Variants in MS4A1 observed in about 807,000 individuals in gnomAD.
MS4A1 encodes the protein B-lymphocyte antigen CD20.
MS4A1 carries 16 observed loss-of-function variants against 26.5 expected under a neutral mutation model. The observed-to-expected ratio is 0.60, with a 90% CI of 0.41 to 0.92. The LOEUF is 0.92. Ranked by LOEUF, MS4A1 falls within the 40% of genes least tolerant of loss-of-function variation. MS4A1 has a pLI of 0.00. For missense variants in MS4A1, 350 were observed against 353.0 expected (o/e 0.99, Z 0.07); for synonymous variants, 128 against 117.6 (o/e 1.09, Z -0.57).
chr11:60,456,137 C>T (rs544809459), intron 1 of MS4A1, among the ~76,000 whole-genome samples, 192 bp downstream of exon 1: 1 of 152,204 alleles, frequency 6.6e-6, no homozygotes, highest in East Asian at 1.9e-4. Flanking sequence ...AATCAGTCTC[C>T]CTCTCAACAA....
At chr11:60,459,608 C>G (rs1036213386) in intron 1 of MS4A1, among the ~76,000 whole-genome samples, 1 of 152,200 alleles carries the variant, frequency 6.6e-6, no homozygotes, top group Non-Finnish European at 1.5e-5. Context: ...TGACCAGAAT[C>G]AGTCCGCAAA....
chr11:60,457,159 C>T (rs2135190848), intron 1 of MS4A1, among the ~76,000 whole-genome samples: 1 of 152,222 alleles, frequency 6.6e-6, no homozygotes, highest in Admixed American at 6.5e-5. Flanking sequence ...AGGTGATGTG[C>T]ATATCTAATG....
At chr11:60,457,433 C>A (rs2086213480) in intron 1 of MS4A1, among the ~76,000 whole-genome samples, 1 of 152,086 alleles carries the variant, frequency 6.6e-6, no homozygotes, top group African/African-American at 2.4e-5. Context: ...CTTGATGTAG[C>A]AGCCTTGTGG....
Position 60,469,938 on chromosome 11 carries a change from G to A in MS4A1, c.*1470G>A, listed in dbSNP as rs1039081906. 4 of 151,926 alleles carry A rather than the reference G, an allele frequency of 2.6e-5. No individual in the cohort carries two copies. The highest frequency in any genetic ancestry group is 6.6e-5 in the Admixed American group (1 of 15,238). The allele number at this position is 151,926 out of a possible 1,614,324, so 9.4% of individuals were successfully genotyped here. A position where few individuals can be genotyped will look rare whatever the true frequency, so the allele number is the denominator to read the frequency against. On this transcript the variant is annotated 3_prime_UTR_variant, in exon 8 of 8. Coordinates refer to ENST00000345732, the MANE Select transcript of MS4A1 (RefSeq NM_152866.3). The stretch of plus-strand genomic sequence containing the variant: ...CCTATGATATTTCTACATTTTTAGC[G>A]ACCACTAGTGGAAGACATTCCCCAA...
At chr11:60,456,620 C>T (rs1430130238) in intron 1 of MS4A1, among the ~76,000 whole-genome samples, 7 of 152,074 alleles carry the variant, frequency 4.6e-5, no homozygotes, top group African/African-American at 1.7e-4. Context: ...TGTGGGGGAG[C>T]TCTAATGAAG....
At chr11:60,462,756 G>T (rs1226274384) in intron 3 of MS4A1, among the ~76,000 whole-genome samples, 1 of 152,144 alleles carries the variant, frequency 6.6e-6, no homozygotes, top group East Asian at 1.9e-4. Context: ...TTTGGGGCTT[G>T]TATATGCAGG....
chr11:60,470,692 G>T lies in MS4A1; in HGVS notation c.*2224G>T, dbSNP rs201024406. 2.0e-5 allele frequency: 3 copies of T among 151,900 alleles called. No individual in the cohort carries two copies. Among genetic ancestry groups the T allele is most frequent in the Admixed American group, 6.6e-5 (1 of 15,244 alleles). 9.4% of individuals were successfully genotyped at this position (151,900 alleles called of 1,614,324 possible). On this transcript the variant is annotated 3_prime_UTR_variant, in exon 8 of 8. Coordinates refer to ENST00000345732, the MANE Select transcript of MS4A1 (RefSeq NM_152866.3). ...TAGCCTTAGTTTTTCCTCCCAATTT[G>T]CATTTTTGTAAAAATAATGTTGTAT...
intron 6 of MS4A1, 135 bp from the exon 7 acceptor site, chr11:60,466,824 C>T (rs2086295420): frequency 1.2e-6 from 1 of 858,894 alleles, no homozygotes; most frequent in East Asian, 2.6e-5. Flanking sequence ...TAGCAGTTCT[C>T]ACAGCTATTC....
chr11:60,466,035 A>T lies in MS4A1; in HGVS notation c.451A>T (p.Ser151Cys). The T allele has an allele frequency of 6.2e-7, 1 of 1,613,568 alleles. No homozygotes were observed. The highest frequency in any genetic ancestry group is 8.5e-7 in the Non-Finnish European group (1 of 1,179,600). Residue 151 changes from serine to cysteine, a missense_variant, in exon 6 of 8, where the codon AGT becomes TGT. Physicochemically the swap from Ser to Cys is moderately radical, Grantham distance 112. Transcript: ENST00000345732. ...IKISHFLKME[S>C]LNFIRAHTPY... Reference sequence around the variant, plus strand: ...AATTTCCCATTTTTTAAAAATGGAGAGTCTGAATTTTATTAGAGCTCACAC... The same window carrying T: ...AATTTCCCATTTTTTAAAAATGGAGTGTCTGAATTTTATTAGAGCTCACAC...
chr11:60,465,742 G>A, intron 5 of MS4A1, 179 bp from the exon 6 acceptor site: 1 of 616,564 alleles, frequency 1.6e-6, no homozygotes, highest in South Asian at 2.0e-5. Context: ...GAAAAGAACA[G>A]GATAGAGACA....
rs191259416 is a variant in MS4A1, at chr11:60,469,766, T to A, written c.*1298T>A. On this transcript the variant is annotated 3_prime_UTR_variant, in exon 8 of 8. Coordinates refer to ENST00000345732, the MANE Select transcript of MS4A1 (RefSeq NM_152866.3). ...ATCTGAGTCAACAGCTGCCCTACTT[T>A]TCAATTCAGATATACTAGTACCTTA... 6.6e-6 allele frequency: 1 copy of A among 152,240 alleles called. No individual in the cohort carries two copies. The highest frequency in any genetic ancestry group is 6.5e-5 in the Admixed American group (1 of 15,296). The allele number at this position is 152,240 out of a possible 1,614,324, so 9.4% of individuals were successfully genotyped here.
At position 60,468,766 on chromosome 11, in the gene MS4A1, G is replaced by T; in HGVS notation, c.*298G>T. On this transcript the variant is annotated 3_prime_UTR_variant, in exon 8 of 8. Coordinates refer to ENST00000345732, the MANE Select transcript of MS4A1 (RefSeq NM_152866.3). ...ACCTGTTCCTTGGATAGGCTTTTTA[G>T]TATAGTATTTTTTTTTGTCATTTTC... is the stretch of plus-strand genomic sequence containing the variant. The T allele has an allele frequency of 2.8e-6, 1 of 353,504 alleles. No individual in the cohort carries two copies. The highest frequency in any genetic ancestry group is 2.1e-5 in the African/African-American group (1 of 48,124). 21.9% of individuals were successfully genotyped at this position (353,504 alleles called of 1,614,324 possible). A position where few individuals can be genotyped will look rare whatever the true frequency, so the allele number is the denominator to read the frequency against.
In MS4A1 at chr11:60,469,455, G is replaced by C. The variant is rs1489447930; in HGVS notation, c.*987G>C. 1 of 152,080 alleles carries C rather than the reference G, an allele frequency of 6.6e-6. No homozygotes were observed. The highest frequency in any genetic ancestry group is 1.5e-5 in the Non-Finnish European group (1 of 67,990). 9.4% of individuals were successfully genotyped at this position (152,080 alleles called of 1,614,324 possible). A position where few individuals can be genotyped will look rare whatever the true frequency, so the allele number is the denominator to read the frequency against. On this transcript the variant is annotated 3_prime_UTR_variant, in exon 8 of 8. Transcript: ENST00000345732. Reference sequence around the variant, plus strand: ...TTCTTACTCAAATCCTGTGATGTTTGAAATAACCAAATTGTCTCTCCAATG... The same window carrying C: ...TTCTTACTCAAATCCTGTGATGTTTCAAATAACCAAATTGTCTCTCCAATG...
In MS4A1 at chr11:60,464,270, C is replaced by A. The variant is rs200047477; in HGVS notation, c.280-18C>A. Reference sequence around the variant, plus strand: ...TTGCCCACCCCCTCTCCATCTCCCCCACCTCTCTTTTTTACAGTATATTAT... The same window carrying A: ...TTGCCCACCCCCTCTCCATCTCCCCAACCTCTCTTTTTTACAGTATATTAT... On this transcript the variant is annotated intron_variant, in intron 4 of 7. Transcript: ENST00000345732. 1.9e-6 allele frequency: 3 copies of A among 1,604,270 alleles called. No individual in the cohort carries two copies. Among genetic ancestry groups the A allele is most frequent in the Non-Finnish European group, 2.6e-6 (3 of 1,172,114 alleles).
At chr11:60,464,255 C>T (rs200155881) in intron 4 of MS4A1, 33 bp from the exon 5 acceptor site, 97 of 1,513,226 alleles carry the variant, frequency 6.4e-5, no homozygotes, top group Non-Finnish European at 8.6e-5. Context: ...TTGCCCACCC[C>T]CTCTCCATCT....
chr11:60,466,272 G>A (rs1565195252), intron 6 of MS4A1, 115 bp downstream of exon 6: 1 of 881,968 alleles, frequency 1.1e-6, no homozygotes, highest in Non-Finnish European at 1.9e-6. Flanking sequence ...GTTACTGTCT[G>A]TGTGGCTTTG....
intron 5 of MS4A1, 85 bp downstream of exon 5, chr11:60,464,429 A>G: frequency 1.7e-6 from 2 of 1,155,420 alleles, no homozygotes; most frequent in Non-Finnish European, 2.6e-6. Flanking sequence ...TAAAAAGCCA[A>G]GGTATCACAG....
intron 5 of MS4A1, among the ~76,000 whole-genome samples, chr11:60,465,409 CTTTT>C (rs904109046): frequency 6.6e-6 from 1 of 152,148 alleles, no homozygotes; most frequent in African/African-American, 2.4e-5. Flanking sequence ...GTTGCTTCTG[CTTTT>C]TTTATTTCCA....
intron 6 of MS4A1, chr11:60,466,563 A>C: frequency 3.1e-6 from 1 of 320,190 alleles, no homozygotes; most frequent in Non-Finnish European, 5.8e-6. Flanking sequence ...AGGACTTTTA[A>C]ATGTAGAGTT....
Sources: allele counts gnomAD v4.1 joint callset (sites outside exome capture counted in the v4.1 genomes callset), GRCh38; gene constraint gnomAD v4.1.1; transcripts MANE v1.5; gene names NCBI Gene and HGNC (gene_info 2026-07-23, HGNC 2026-07-21).